The following ARHGAP24 variants were observed in gnomAD, a reference collection of about 807,000 sequenced individuals.
The protein encoded by ARHGAP24 is rho GTPase-activating protein 24.
ARHGAP24 carries 50 observed loss-of-function variants against 76.4 expected under a neutral mutation model. The observed-to-expected ratio is 0.65, with a 90% CI of 0.52 to 0.83. The LOEUF (loss-of-function observed/expected upper bound fraction) is 0.83. Among genes scored for constraint, ARHGAP24 ranks in the 40% least tolerant of loss-of-function variants. ARHGAP24 has a pLI of 0.00. For missense variants in ARHGAP24, 930 were observed against 914.2 expected, an observed-to-expected ratio of 1.02 and a Z score of -0.22; for synonymous variants, 345 against 323.3, an observed-to-expected ratio of 1.07 and a Z score of -0.72.
chr4:85,843,529 A>G (rs28655099), intron 3 of ARHGAP24, among the ~76,000 whole-genome samples: 1,686 of 152,052 alleles, frequency 0.011, 24 homozygotes, highest in African/African-American at 0.038. Flanking sequence ...ATGTATCACA[A>G]ATATGAATTT....
In ARHGAP24 at chr4:85,543,871, A is replaced by G. The variant is rs1417193920; in HGVS notation, c.-20-26651A>G. On this transcript the variant is annotated intron_variant, in intron 1 of 9. Coordinates refer to ENST00000395184, the MANE Select transcript of ARHGAP24 (RefSeq NM_001025616.3). ...TAGTTTTAGTAGTAGTCGTAGTAGA[A>G]GTAGTAGTTAGTAGCAGTTCATAGT... 2.6e-5 allele frequency among the ~76,000 whole-genome samples: 4 copies of G among 152,144 alleles called. No individual in the cohort carries two copies. The South Asian group carries it at 6.2e-4, about 24-fold the overall frequency.
intron 8 of ARHGAP24, among the ~76,000 whole-genome samples, chr4:85,979,131 G>T (rs1001711741): frequency 1.3e-5 from 2 of 152,198 alleles, no homozygotes; most frequent in East Asian, 3.9e-4. Context: ...TACAAGTTAG[G>T]ACCTGGATAA....
At chr4:85,657,910 A>G (rs1722233497) in intron 2 of ARHGAP24, among the ~76,000 whole-genome samples, 1 of 152,120 alleles carries the variant, frequency 6.6e-6, no homozygotes, top group African/African-American at 2.4e-5. Flanking sequence ...GCGTGCCACC[A>G]TGCCTAGCTA....
chr4:85,596,315 C>T (rs1330823773), intron 2 of ARHGAP24, among the ~76,000 whole-genome samples: 1 of 151,954 alleles, frequency 6.6e-6, no homozygotes, highest in Non-Finnish European at 1.5e-5. Flanking sequence ...GAAGGTCAAA[C>T]ATGAAGTGGA....
chr4:85,515,290 A>C (rs2110107805), intron 1 of ARHGAP24, among the ~76,000 whole-genome samples: 1 of 152,170 alleles, frequency 6.6e-6, no homozygotes, highest in East Asian at 1.9e-4. Flanking sequence ...TAAAAGTAAA[A>C]ACTGTATAAA....
At chr4:85,883,479 C>G (rs977933626) in intron 3 of ARHGAP24, among the ~76,000 whole-genome samples, 13 of 152,178 alleles carry the variant, frequency 8.5e-5, no homozygotes, top group African/African-American at 2.6e-4. Flanking sequence ...GAGGAAAGAC[C>G]CAATGGCAAT....
intron 2 of ARHGAP24, among the ~76,000 whole-genome samples, chr4:85,703,659 T>A (rs1724187690): frequency 6.6e-6 from 1 of 152,192 alleles, no homozygotes; most frequent in East Asian, 1.9e-4. Context: ...AGACACCAAA[T>A]CTGCTGGCAC....
chr4:85,979,477 C>T (rs573757940), intron 8 of ARHGAP24, among the ~76,000 whole-genome samples: 7 of 152,134 alleles, frequency 4.6e-5, no homozygotes, highest in Non-Finnish European at 7.4e-5. Context: ...CCATTAAACA[C>T]GAACTCCCCT....
At chr4:85,699,473 C>A (rs545290163) in intron 2 of ARHGAP24, among the ~76,000 whole-genome samples, 11 of 152,130 alleles carry the variant, frequency 7.2e-5, no homozygotes, top group African/African-American at 2.6e-4. Context: ...GTGGTGGTGC[C>A]TGCCTGTAGT....
intron 3 of ARHGAP24, among the ~76,000 whole-genome samples, chr4:85,748,107 G>T (rs1020585): frequency 0.94 from 143,550 of 152,306 alleles, 68,260 homozygotes; most frequent in East Asian, 1. Flanking sequence ...CACTTGTCTT[G>T]CAAGTTTTTA....
intron 2 of ARHGAP24, among the ~76,000 whole-genome samples, chr4:85,674,380 G>A (rs1722906050): frequency 6.6e-6 from 1 of 152,158 alleles, no homozygotes. Context: ...CCCTGTCAAA[G>A]ATGCACTCAT....
At chr4:85,719,672 C>T (rs1402346012) in intron 2 of ARHGAP24, among the ~76,000 whole-genome samples, 1 of 152,166 alleles carries the variant, frequency 6.6e-6, no homozygotes, top group African/African-American at 2.4e-5. Context: ...CTCAACAATA[C>T]ACATTTTTAG....
rs193105445 is a variant in ARHGAP24, at chr4:85,893,781, G to T, written c.269-29867G>T. ...GAGGGTAACCGGACCTTTCTCTCTC[G>T]GGTTCATGTCCTTTGTAGGGACATG... On this transcript the variant is annotated intron_variant, in intron 3 of 9. Coordinates refer to ENST00000395184, the MANE Select transcript of ARHGAP24 (RefSeq NM_001025616.3). Among the ~76,000 whole-genome samples the T allele has an allele frequency of 7.7e-3, 1,160 of 151,498 alleles. 25 individuals carry two copies. Among genetic ancestry groups the T allele is most frequent in the Middle Eastern group, 0.01 (3 of 294 alleles).
At chr4:85,683,107 T>TGGGGGGGGGGGGGGGGGGGGGGGGGGG (rs1310671945) in intron 2 of ARHGAP24, among the ~76,000 whole-genome samples, 1 of 12,846 alleles carries the variant, frequency 7.8e-5, no homozygotes, top group African/African-American at 2.4e-4. Context: ...TCTCTCAGTG[T>TGGGGGGGGGGGGGGGGGGGGGGGGGGG]GTGGGGGGGT....
chr4:85,599,109 C>G (rs573730916), intron 2 of ARHGAP24, among the ~76,000 whole-genome samples: 13 of 152,234 alleles, frequency 8.5e-5, no homozygotes, highest in African/African-American at 2.9e-4. Context: ...GTGGCTACCT[C>G]TTTGAACAAC....
intron 2 of ARHGAP24, among the ~76,000 whole-genome samples, chr4:85,605,666 C>G (rs879692781): frequency 1.3e-5 from 2 of 152,124 alleles, no homozygotes; most frequent in Non-Finnish European, 2.9e-5. Context: ...ACAGTAAACT[C>G]TCACCTATTT....
At chr4:85,607,111 A>C (rs944927198) in intron 2 of ARHGAP24, among the ~76,000 whole-genome samples, 2 of 152,206 alleles carry the variant, frequency 1.3e-5, no homozygotes, top group African/African-American at 4.8e-5. Context: ...ATCTAAGGAC[A>C]TTCTCCCTTT....
chr4:85,672,113 A>G (rs755656546), intron 2 of ARHGAP24, among the ~76,000 whole-genome samples: 2 of 152,166 alleles, frequency 1.3e-5, no homozygotes, highest in Non-Finnish European at 2.9e-5. Context: ...GTTGAGTTTT[A>G]TGTGTGTAAA....
chr4:85,799,025 G>A (rs1401020939), intron 3 of ARHGAP24, among the ~76,000 whole-genome samples: 2 of 152,172 alleles, frequency 1.3e-5, no homozygotes, highest in Non-Finnish European at 2.9e-5. Context: ...CTATGGTACT[G>A]AAGTCAGAGA....
Sources: allele counts gnomAD v4.1 joint callset (sites outside exome capture counted in the v4.1 genomes callset), GRCh38; gene constraint gnomAD v4.1.1; transcripts MANE v1.5; gene names NCBI Gene and HGNC (gene_info 2026-07-23, HGNC 2026-07-21).